The following PPP2R2B variants were observed in gnomAD, a reference collection of about 807,000 sequenced individuals.
PPP2R2B encodes protein phosphatase 2 regulatory subunit Bbeta.
PPP2R2B carries 5 observed loss-of-function variants against 46.0 expected under a neutral mutation model. The ratio of observed to expected loss-of-function variants is 0.11; its 90% CI spans 0.06 to 0.23. The LOEUF (loss-of-function observed/expected upper bound fraction) is 0.23. Ranked by LOEUF, PPP2R2B falls within the 10% of genes least tolerant of loss-of-function variation. The pLI, the probability that PPP2R2B is intolerant of heterozygous loss-of-function variation, is 1.00. For missense variants in PPP2R2B, 367 were observed against 575.0 expected, an observed-to-expected ratio of 0.64 and a Z score of 3.70; for synonymous variants, 215 against 206.7, an observed-to-expected ratio of 1.04 and a Z score of -0.34.
intron 1 of PPP2R2B, among the ~76,000 whole-genome samples, chr5:146,894,540 A>G (rs1762585707): frequency 6.6e-6 from 1 of 152,218 alleles, no homozygotes. Flanking sequence ...CATAGGTTCA[A>G]GAAATCCTCC....
chr5:146,736,805 A>G (rs1308642300), intron 2 of PPP2R2B, among the ~76,000 whole-genome samples: 1 of 152,204 alleles, frequency 6.6e-6, no homozygotes, highest in African/African-American at 2.4e-5. Context: ...CTCAGTCATT[A>G]CCTAGTGGTA....
rs1451360677 is a variant in PPP2R2B, at chr5:146,613,916, C to T, written c.791-13456G>A. Among the ~76,000 whole-genome samples the T allele has an allele frequency of 1.2e-3, 156 of 130,362 alleles. 9 individuals carry two copies. The Middle Eastern group carries it at 0.023, about 19-fold the overall frequency. 85.5% of individuals were successfully genotyped at this position (130,362 alleles called of 152,430 possible). A position where few individuals can be genotyped will look rare whatever the true frequency, so the allele number is the denominator to read the frequency against. On this transcript the variant is annotated intron_variant, in intron 7 of 9. Transcript: ENST00000394411. Reference sequence around the variant, plus strand: ...GGAAGAATCGATATCGTGAAAATGGCCATACTGCCCAAGGTAATTTACAGA... The same window carrying T: ...GGAAGAATCGATATCGTGAAAATGGTCATACTGCCCAAGGTAATTTACAGA...
chr5:147,027,612 G>T (rs1027491369), intron 1 of PPP2R2B, among the ~76,000 whole-genome samples: 1 of 136,248 alleles, frequency 7.3e-6, no homozygotes, highest in Non-Finnish European at 1.5e-5. Flanking sequence ...CTCCAGCCTG[G>T]CAACAAAGCG....
chr5:146,917,598 T>C (rs1450716936), intron 1 of PPP2R2B, among the ~76,000 whole-genome samples: 1 of 152,250 alleles, frequency 6.6e-6, no homozygotes, highest in African/African-American at 2.4e-5. Flanking sequence ...TAGAACCTAA[T>C]TGACTTGGTC....
At chr5:146,756,589 A>G (rs1270907960) in intron 2 of PPP2R2B, among the ~76,000 whole-genome samples, 1 of 152,164 alleles carries the variant, frequency 6.6e-6, no homozygotes, top group African/African-American at 2.4e-5. Context: ...TAGCTCTGTC[A>G]TTTTCTGGCT....
intron 1 of PPP2R2B, among the ~76,000 whole-genome samples, chr5:146,995,751 G>A (rs908279709): frequency 2.0e-5 from 3 of 152,172 alleles, no homozygotes; most frequent in African/African-American, 7.2e-5. Context: ...GAAGATATGA[G>A]TAAGACCAGA....
Position 146,712,139 on chromosome 5 carries a change from T to C in PPP2R2B, c.71-10997A>G, listed in dbSNP as rs138888219. The stretch of plus-strand genomic sequence containing the variant: ...AATATGTTGCTAATAGTTCACAAGG[T>C]ATTATTATGTTACGATGGTTTTTCA... On this transcript the variant is annotated intron_variant, in intron 2 of 9. Transcript: ENST00000394411. 6.0e-3 allele frequency among the ~76,000 whole-genome samples: 919 copies of C among 152,280 alleles called. 5 individuals are homozygous for C. The highest frequency in any genetic ancestry group is 0.021 in the African/African-American group (852 of 41,548).
At chr5:146,613,812 C>T (rs992984918) in intron 7 of PPP2R2B, among the ~76,000 whole-genome samples, 1 of 143,282 alleles carries the variant, frequency 7.0e-6, no homozygotes, top group African/African-American at 2.8e-5. Context: ...AGGACCTCTT[C>T]AAGGAGAACT....
At position 146,734,378 on chromosome 5, in the gene PPP2R2B, G is replaced by A. The variant is rs1447504573; in HGVS notation, c.71-33236C>T. 1.3e-5 allele frequency among the ~76,000 whole-genome samples: 2 copies of A among 152,104 alleles called. 1 individual carries two copies. The highest frequency in any genetic ancestry group is 3.9e-4 in the East Asian group (2 of 5,192). On this transcript the variant is annotated intron_variant, in intron 2 of 9. Transcript: ENST00000394411. ...GCCATTTTTAACAGATGGAGAAACT[G>A]TGTTAAATGCCCTGTATACAATATC...
intron 2 of PPP2R2B, among the ~76,000 whole-genome samples, chr5:146,859,785 G>A (rs1760877820): frequency 1.3e-5 from 2 of 152,036 alleles, no homozygotes; most frequent in South Asian, 4.1e-4. Context: ...GGGCTCTTTG[G>A]GTTTCTATTC....
At chr5:146,763,025 A>G (rs1754260287) in intron 2 of PPP2R2B, among the ~76,000 whole-genome samples, 1 of 152,198 alleles carries the variant, frequency 6.6e-6, no homozygotes, top group Admixed American at 6.5e-5. Flanking sequence ...CCTGGCTCCA[A>G]GAGCAGCTCT....
intron 5 of PPP2R2B, among the ~76,000 whole-genome samples, chr5:146,689,976 G>T (rs745814611): frequency 1.3e-5 from 2 of 152,172 alleles, no homozygotes; most frequent in Non-Finnish European, 2.9e-5. Flanking sequence ...AAAAGTAACT[G>T]CTGAATAAGC....
chr5:146,906,700 T>A (rs1016633806), intron 1 of PPP2R2B, among the ~76,000 whole-genome samples: 3 of 152,224 alleles, frequency 2.0e-5, no homozygotes, highest in South Asian at 4.1e-4. Context: ...TCTCAATATA[T>A]GTATCTTTCT....
chr5:147,020,162 C>T (rs1755195286), intron 1 of PPP2R2B, among the ~76,000 whole-genome samples: 1 of 151,860 alleles, frequency 6.6e-6, no homozygotes, highest in Non-Finnish European at 1.5e-5. Context: ...TTTTTTTCTC[C>T]ATAGTCATTC....
chr5:146,863,875 C>T (rs891595975), intron 2 of PPP2R2B, among the ~76,000 whole-genome samples: 7 of 152,238 alleles, frequency 4.6e-5, no homozygotes, highest in Non-Finnish European at 8.8e-5. Flanking sequence ...CCAACTGTAA[C>T]CCCCAAAGAC....
intron 2 of PPP2R2B, among the ~76,000 whole-genome samples, chr5:146,833,112 A>AT (rs1759062915): frequency 6.6e-6 from 1 of 152,020 alleles, no homozygotes; most frequent in South Asian, 2.1e-4. Context: ...GGCTGCTTTC[A>AT]TTTTTTACTT....
intron 1 of PPP2R2B, among the ~76,000 whole-genome samples, chr5:146,935,318 C>G (rs1764103737): frequency 6.6e-6 from 1 of 152,208 alleles, no homozygotes; most frequent in South Asian, 2.1e-4. Context: ...AGCCAGAACA[C>G]AGGCCCTCAC....
intron 2 of PPP2R2B, among the ~76,000 whole-genome samples, chr5:146,797,148 C>T (rs1413941696): frequency 1.3e-5 from 2 of 152,162 alleles, no homozygotes; most frequent in Middle Eastern, 3.2e-3. Flanking sequence ...ATAAAGGGCT[C>T]TTACATACCC....
chr5:146,858,867 C>G (rs187060171), intron 2 of PPP2R2B, among the ~76,000 whole-genome samples: 41 of 152,250 alleles, frequency 2.7e-4, no homozygotes, highest in Non-Finnish European at 5.3e-4. Context: ...GCAAGAGTAA[C>G]AATGAGTGAC....
Sources: gnomAD v4.1 joint callset for allele counts (sites outside exome capture counted in the v4.1 genomes callset) on GRCh38, gnomAD v4.1.1 for gene constraint, MANE v1.5 for transcripts, NCBI Gene and HGNC (gene_info 2026-07-23, HGNC 2026-07-21) for gene names.